ILK: variants seen among roughly 807,000 people sequenced by gnomAD.
The protein encoded by ILK is scaffold protein ILK.
ILK carries 37 observed loss-of-function variants against 57.8 expected under a neutral mutation model. The ratio of observed to expected loss-of-function variants is 0.64; its 90% CI spans 0.49 to 0.84. The LOEUF (loss-of-function observed/expected upper bound fraction) is 0.84, where lower values mean the gene tolerates loss of function less well. ILK is among the 40% of genes least tolerant of loss of function. ILK has a pLI of 0.00. For synonymous variants in ILK, 231 were observed against 202.2 expected (o/e 1.14, Z -1.21); for missense variants, 528 against 595.7 (o/e 0.89, Z 1.18).
At chr11:6,609,198 T>G (rs748636699) in intron 7 of ILK, 42 bp downstream of exon 7, 1 of 1,599,646 alleles carries the variant, frequency 6.3e-7, no homozygotes, top group African/African-American at 1.3e-5. Context: ...TAAACCCCCA[T>G]AAATTACTTG....
intron 2 of ILK, 87 bp from the exon 3 acceptor site, chr11:6,607,959 G>T (rs1855092957): frequency 2.9e-6 from 4 of 1,378,716 alleles, no homozygotes; most frequent in Non-Finnish European, 4.1e-6. Context: ...AGCCTTCCCA[G>T]AGAGTATGTA....
chr11:6,609,903 C>G, intron 10 of ILK, 33 bp from the exon 11 acceptor site: 1 of 1,614,180 alleles, frequency 6.2e-7, no homozygotes, highest in African/African-American at 1.3e-5. Flanking sequence ...CTATCTATGA[C>G]TTACCTCCTT....
At chr11:6,607,718 G>A (rs770828582) in intron 2 of ILK, 1 of 377,518 alleles carries the variant, frequency 2.6e-6, no homozygotes, top group Non-Finnish European at 5.0e-6. Context: ...AAGATGTGGT[G>A]GAAAACAGAA....
In ILK at chr11:6,604,615, G is replaced by A. The variant is rs937980874; in HGVS notation, c.89+255G>A. ...TAGACTGCATGGCCAAAGGCTAGGGGGCAAGGCACAGAGCAGAGAGAACAG... is the reference window on the plus strand; with the variant it reads ...TAGACTGCATGGCCAAAGGCTAGGGAGCAAGGCACAGAGCAGAGAGAACAG... On this transcript the variant is annotated intron_variant, in intron 2 of 12. Coordinates refer to ENST00000299421, the MANE Select transcript of ILK (RefSeq NM_004517.4). 2.7e-5 allele frequency: 16 copies of A among 590,638 alleles called. No individual in the cohort carries two copies. In the African/African-American group the frequency reaches 2.8e-4, roughly 10 times the overall value. 36.6% of individuals were successfully genotyped at this position (590,638 alleles called of 1,614,324 possible).
intron 2 of ILK, chr11:6,606,734 T>C (rs1020247977): frequency 3.9e-5 from 6 of 152,202 alleles, no homozygotes; most frequent in African/African-American, 7.2e-5. Context: ...CTTCTTGAGA[T>C]AGAAGTCCAG....
chr11:6,610,697 C>G lies in ILK; in HGVS notation c.*86C>G. 1 of 1,508,828 alleles carries G rather than the reference C, an allele frequency of 6.6e-7. No individual in the cohort carries two copies. Among genetic ancestry groups the G allele is most frequent in the Non-Finnish European group, 9.2e-7 (1 of 1,091,396 alleles). 93.5% of individuals were successfully genotyped at this position (1,508,828 alleles called of 1,614,324 possible). The stretch of plus-strand genomic sequence containing the variant: ...CCCCAAAGCAGCAGGCCTCTGGTTG[C>G]CTCCCCCGCCTCCAGTCATGGTACT... On this transcript the variant is annotated 3_prime_UTR_variant, in exon 13 of 13. Coordinates refer to ENST00000299421, the MANE Select transcript of ILK (RefSeq NM_004517.4).
chr11:6,605,077 G>C (rs1042038701), intron 2 of ILK: 1 of 344,704 alleles, frequency 2.9e-6, no homozygotes, highest in Non-Finnish European at 5.7e-6. Context: ...TTTTTACTGA[G>C]ATGGAGAAAA....
At position 6,608,652 on chromosome 11, in the gene ILK, G is replaced by A. The variant is rs146038984; in HGVS notation, c.352-42G>A. The A allele has an allele frequency of 4.2e-3, 6,376 of 1,512,004 alleles. 22 individuals carry two copies. The highest frequency in any genetic ancestry group is 5.3e-3 in the Non-Finnish European group (5,752 of 1,086,620). 93.7% of individuals were successfully genotyped at this position (1,512,004 alleles called of 1,614,324 possible). A position where few individuals can be genotyped will look rare whatever the true frequency, so the allele number is the denominator to read the frequency against. ...CATGGTTGGTTCAGTGACTGCCAGC[G>A]AGGTAGCAGTGGCTCTCATCATAAT... On this transcript the variant is annotated intron_variant, in intron 4 of 12. Coordinates refer to ENST00000299421, the MANE Select transcript of ILK (RefSeq NM_004517.4). The surrounding 1 kb of genome is among the most constrained non-coding windows in gnomAD (Gnocchi z 4.9).
Position 6,608,984 on chromosome 11 carries a change from G to A in ILK, c.532+17G>A. The A allele has an allele frequency of 1.9e-6, 3 of 1,613,942 alleles. No homozygotes were observed. The highest frequency in any genetic ancestry group is 2.2e-5 in the South Asian group (2 of 91,080). On this transcript the variant is annotated intron_variant, in intron 6 of 12. Coordinates refer to ENST00000299421, the MANE Select transcript of ILK (RefSeq NM_004517.4). This position sits in a 1 kb window ranked among gnomAD's most constrained non-coding sequence, Gnocchi z 4.9. ...CTCGGCCCCGTGAGTCACCACTGTGGGAAGAAGGGTTGTAAAAGGAAATAA... is the reference window on the plus strand; with the variant it reads ...CTCGGCCCCGTGAGTCACCACTGTGAGAAGAAGGGTTGTAAAAGGAAATAA...
In ILK at chr11:6,610,591, G is replaced by C. The variant is rs1855407944; in HGVS notation, c.1339G>C (p.Glu447Gln). ...PKFDMIVPIL[E>Q]KMQDK ...ATTTGACATGATTGTGCCTATCCTT[G>C]AGAAGATGCAGGACAAGTAGGACTG... Residue 447 changes from glutamate to glutamine, a missense_variant, in exon 13 of 13, where the codon GAG (glutamate) becomes CAG (glutamine). Transcript: ENST00000299421. 2 of 1,614,082 alleles carry C rather than the reference G, an allele frequency of 1.2e-6. No individual in the cohort carries two copies. Among genetic ancestry groups the C allele is most frequent in the East Asian group, 2.2e-5 (1 of 44,900 alleles).
At chr11:6,610,091 A>C in intron 11 of ILK, 56 bp downstream of exon 11, 1 of 1,614,172 alleles carries the variant, frequency 6.2e-7, no homozygotes, top group Non-Finnish European at 8.5e-7. Flanking sequence ...AAGTAGTGGA[A>C]GGGGGCAGAG....
At chr11:6,607,985 G>T in intron 2 of ILK, 61 bp from the exon 3 acceptor site, 5 of 1,555,842 alleles carry the variant, frequency 3.2e-6, no homozygotes, top group Non-Finnish European at 4.4e-6. Flanking sequence ...CAGTTTTTCA[G>T]GAATCAAAAC....
At chr11:6,604,652 G>A in intron 2 of ILK, 1 of 539,576 alleles carries the variant, frequency 1.9e-6, no homozygotes, top group Non-Finnish European at 3.4e-6. Flanking sequence ...AAATTGTCTG[G>A]AGTTCCATAT....
intron 9 of ILK, 34 bp downstream of exon 9, chr11:6,609,673 A>G: frequency 1.2e-6 from 2 of 1,614,146 alleles, no homozygotes; most frequent in Non-Finnish European, 1.7e-6. Flanking sequence ...TTGGGGAGGA[A>G]ATGGCAGAGA....
Position 6,610,288 on chromosome 11 carries a change from C to T in ILK, c.1209+10C>T. On this transcript the variant is annotated intron_variant, in intron 12 of 12. Transcript: ENST00000299421. ...GGAGATTGGAATGAAGGTGAGAGCA[C>T]AACAGCATACATTTGTGTTGCGGGA... 6.2e-7 allele frequency: 1 copy of T among 1,614,110 alleles called. No homozygotes were observed. Among genetic ancestry groups the T allele is most frequent in the Non-Finnish European group, 8.5e-7 (1 of 1,180,040 alleles).
chr11:6,607,388 C>G (rs926494080), intron 2 of ILK: 1 of 153,182 alleles, frequency 6.5e-6, no homozygotes, highest in Non-Finnish European at 1.5e-5. Flanking sequence ...GGGAATCCTG[C>G]TTTGCATGGT....
rs1361859236 is a variant in ILK, at chr11:6,610,502, T to C, written c.1250T>C (p.Ile417Thr). The C allele has an allele frequency of 6.2e-7, 1 of 1,614,222 alleles. No homozygotes were observed. Among genetic ancestry groups the C allele is most frequent in the Non-Finnish European group, 8.5e-7 (1 of 1,180,040 alleles). The change falls in exon 13 of 13, where the codon ATT becomes ACT. Residue 417 changes from isoleucine to threonine, a missense_variant. Ile to Thr is a moderately conservative substitution (Grantham distance 89). Coordinates refer to ENST00000299421, the MANE Select transcript of ILK (RefSeq NM_004517.4). ...CTTCGGCCTACCATCCCACCAGGTATTTCCCCTCATGTGTGTAAGCTCATG... is the reference window on the plus strand; with the variant it reads ...CTTCGGCCTACCATCCCACCAGGTACTTCCCCTCATGTGTGTAAGCTCATG... The part of the protein sequence containing the change: ...EGLRPTIPPG[I>T]SPHVCKLMKI...
In ILK at chr11:6,609,392, G is replaced by C. The variant is rs148428064; in HGVS notation, c.712G>C (p.Glu238Gln). The change falls in exon 8 of 13, where the codon GAG becomes CAG. Residue 238 changes from glutamate to glutamine, a missense_variant. Glu to Gln is a conservative substitution (Grantham distance 29). Transcript: ENST00000299421. ...AAGGAAGAGCAGGGACTTCAATGAA[G>C]AGTGTCCCCGGCTCAGGTAGTGCAA... The part of the protein sequence containing the change: ...STRKSRDFNE[E>Q]CPRLRIFSHP... 2 of 1,613,990 alleles carry C rather than the reference G, an allele frequency of 1.2e-6. No homozygotes were observed. The highest frequency in any genetic ancestry group is 2.7e-5 in the African/African-American group (2 of 75,042).
rs2134553825 is a variant in ILK at position 6,608,274 on chromosome 11, T to C, written c.255+63T>C. On this transcript the variant is annotated intron_variant, in intron 3 of 12. Transcript: ENST00000299421. This position sits in a 1 kb window ranked among gnomAD's most constrained non-coding sequence, Gnocchi z 4.9. ...TGCCATGAGGGTCAGTCACAGGCAC[T>C]GTAACATACAGTAGAAAGCATGTGT... 1 of 1,592,716 alleles carries C rather than the reference T, an allele frequency of 6.3e-7. No individual in the cohort carries two copies. Among genetic ancestry groups the C allele is most frequent in the East Asian group, 2.2e-5 (1 of 44,770 alleles).
Sources: gnomAD v4.1 joint callset for allele counts on GRCh38, gnomAD v4.1.1 for gene constraint, Gnocchi (gnomAD v3.1) non-coding constraint, MANE v1.5 for transcripts, NCBI Gene and HGNC (gene_info 2026-07-23, HGNC 2026-07-21) for gene names.